NRG1: variants seen among roughly 807,000 people sequenced by gnomAD.
The protein encoded by NRG1 is pro-neuregulin-1, membrane-bound isoform.
A neutral mutation model predicts 63.8 loss-of-function variants in NRG1; 18 were observed. The ratio of observed to expected loss-of-function variants is 0.28; its 90% CI spans 0.19 to 0.42. NRG1 has a LOEUF of 0.42. NRG1 is among the 10% of genes least tolerant of loss of function. NRG1 has a pLI of 1.00. For synonymous variants in NRG1, 302 were observed against 301.3 expected (o/e 1.00, Z -0.02); for missense variants, 762 against 814.7 (o/e 0.94, Z 0.79).
downstream of NRG1, among the ~76,000 whole-genome samples, chr8:32,768,877 T>G (rs1340375435): frequency 2.6e-5 from 4 of 152,210 alleles, no homozygotes; most frequent in Non-Finnish European, 5.9e-5. Context: ...TGTACCTAAT[T>G]CCTATTACCT....
In NRG1 at chr8:32,764,184, C is replaced by T; in HGVS notation, c.1696C>T (p.Gln566Ter). ...GGAAGTGGACAGCAACACAAGCTCC[C>T]AGAGCAGTAACTCAGAGAGTGAAAC... is the stretch of plus-strand genomic sequence containing the variant. Residue 566 changes from glutamine to a stop codon, truncating the protein, a stop_gained, in exon 12 of 12, where the codon CAG becomes TAG. Transcript: ENST00000356819. LOFTEE classifies it high-confidence loss of function. The T allele has an allele frequency of 6.2e-7, 1 of 1,614,098 alleles. No homozygotes were observed. The highest frequency in any genetic ancestry group is 8.5e-7 in the Non-Finnish European group (1 of 1,180,020).
rs1827914167 is a variant in NRG1 at position 31,856,706 on chromosome 8, C to T, written c.37+217275C>T. Among the ~76,000 whole-genome samples, 4 of 152,102 alleles carry T rather than the reference C, an allele frequency of 2.6e-5. No homozygotes were observed. In the South Asian group the frequency reaches 8.3e-4, roughly 32 times the overall value. ...GAGTCGCTCTGCTTTTTAGAGTTTC[C>T]AGTTTTTCTGCTCTGTTTTTTCCCC... On this transcript the variant is annotated intron_variant, in intron 1 of 10. Transcript: ENST00000519301.
chr8:31,949,351 A>C (rs1803113246), intron 1 of NRG1, among the ~76,000 whole-genome samples: 1 of 152,016 alleles, frequency 6.6e-6, no homozygotes, highest in Admixed American at 6.6e-5. Context: ...TCTAGGAAAA[A>C]CTTGTCTGCC....
intron 5 of NRG1, chr8:32,721,746 G>A: frequency 1.0e-6 from 1 of 993,574 alleles, no homozygotes. Flanking sequence ...GTGGTTCTGA[G>A]CCTGGCTCTG....
chr8:32,378,935 C>A (rs770623742), intron 1 of NRG1, among the ~76,000 whole-genome samples: 2 of 152,076 alleles, frequency 1.3e-5, no homozygotes, highest in African/African-American at 4.8e-5. Context: ...CATGTCCCTA[C>A]AAAGGACATG....
chr8:31,798,387 C>G (rs762237861), intron 1 of NRG1, among the ~76,000 whole-genome samples: 1 of 152,170 alleles, frequency 6.6e-6, no homozygotes, highest in African/African-American at 2.4e-5. Flanking sequence ...AAAACAATAT[C>G]TATTTGTTGA....
intron 1 of NRG1, among the ~76,000 whole-genome samples, chr8:32,049,919 G>A (rs1821699007): frequency 6.6e-6 from 1 of 151,916 alleles, no homozygotes; most frequent in Admixed American, 6.6e-5. Context: ...AGGTGGGTTG[G>A]GATCCAAAGC....
intron 7 of NRG1, among the ~76,000 whole-genome samples, chr8:32,746,700 A>C (rs954606464): frequency 3.3e-5 from 5 of 152,148 alleles, no homozygotes; most frequent in Non-Finnish European, 5.9e-5. Context: ...TGTTTACAGT[A>C]AACTTTGTGT....
intron 1 of NRG1, among the ~76,000 whole-genome samples, chr8:32,282,895 G>T (rs980430664): frequency 1.3e-5 from 2 of 152,034 alleles, no homozygotes; most frequent in Non-Finnish European, 2.9e-5. Context: ...ATAGAAGACA[G>T]GTTAAAAAAG....
At chr8:32,459,057 C>T (rs182730389) in intron 1 of NRG1, among the ~76,000 whole-genome samples, 51 of 152,308 alleles carry the variant, frequency 3.3e-4, no homozygotes, top group Non-Finnish European at 4.7e-4. Context: ...CTCTAGTTCT[C>T]GTCTGTGTCT....
At position 32,030,543 on chromosome 8, in the gene NRG1, T is replaced by C. The variant is rs528062394; in HGVS notation, c.37+391112T>C. On this transcript the variant is annotated intron_variant, in intron 1 of 10. Coordinates refer to the NRG1 transcript ENST00000519301. ...AGCCTCTTTCATATGTGAAATAAAA[T>C]ATTCACTTACTACTGAGGATGATTT... 1.1e-3 allele frequency: 164 copies of C among 152,276 alleles called. 1 individual carries two copies. Among genetic ancestry groups the C allele is most frequent in the African/African-American group, 3.7e-3 (153 of 41,556 alleles). 9.4% of individuals were successfully genotyped at this position (152,276 alleles called of 1,614,324 possible). A position where few individuals can be genotyped will look rare whatever the true frequency, so the allele number is the denominator to read the frequency against.
intron 4 of NRG1, among the ~76,000 whole-genome samples, chr8:32,615,774 G>A (rs886644440): frequency 1.1e-4 from 16 of 151,684 alleles, no homozygotes; most frequent in African/African-American, 3.6e-4. Context: ...TCATTACTAA[G>A]ATATAAGTGT....
intron 1 of NRG1, among the ~76,000 whole-genome samples, chr8:31,784,630 G>C (rs1337333189): frequency 6.6e-6 from 1 of 152,148 alleles, no homozygotes; most frequent in African/African-American, 2.4e-5. Context: ...ATCTCGGAGA[G>C]TGCCAAAGAG....
At chr8:32,016,059 T>A (rs1815487289) in intron 1 of NRG1, among the ~76,000 whole-genome samples, 1 of 152,144 alleles carries the variant, frequency 6.6e-6, no homozygotes, top group Admixed American at 6.5e-5. Flanking sequence ...GCCTCTATAT[T>A]TTTTGGAAAA....
At chr8:32,653,428 A>G (rs559059089) in intron 5 of NRG1, among the ~76,000 whole-genome samples, 1 of 151,150 alleles carries the variant, frequency 6.6e-6, no homozygotes, top group Admixed American at 6.6e-5. Flanking sequence ...TTCTCCATCT[A>G]CCAAATACTG....
intron 1 of NRG1, among the ~76,000 whole-genome samples, chr8:32,068,119 A>G (rs1825171968): frequency 6.6e-6 from 1 of 152,200 alleles, no homozygotes; most frequent in Non-Finnish European, 1.5e-5. Flanking sequence ...CATTTGTTCT[A>G]CAGGTCAGAA....
intron 1 of NRG1, among the ~76,000 whole-genome samples, chr8:32,041,012 T>A (rs1311885027): frequency 6.6e-6 from 1 of 151,880 alleles, no homozygotes; most frequent in Non-Finnish European, 1.5e-5. Flanking sequence ...ACATAAATGA[T>A]TATTTGAAAA....
intron 1 of NRG1, chr8:32,441,310 C>G (rs1271762676): frequency 1.3e-5 from 2 of 152,080 alleles, no homozygotes; most frequent in African/African-American, 4.8e-5. Context: ...GTGGTAGCAA[C>G]CATCCAAGCT....
At chr8:32,628,891 C>A (rs1192202503) in intron 5 of NRG1, among the ~76,000 whole-genome samples, 2 of 152,014 alleles carry the variant, frequency 1.3e-5, no homozygotes, top group Non-Finnish European at 2.9e-5. Flanking sequence ...CACCACCACA[C>A]CTGGCTAATA....
Sources: gnomAD v4.1 joint callset for allele counts (sites outside exome capture counted in the v4.1 genomes callset) on GRCh38, gnomAD v4.1.1 for gene constraint, MANE v1.5 for transcripts, NCBI Gene and HGNC (gene_info 2026-07-23, HGNC 2026-07-21) for gene names.